The following CHL1 variants were observed in gnomAD, a reference collection of about 807,000 sequenced individuals.
The protein encoded by CHL1 is cell adhesion molecule L1 like.
CHL1 carries 96 observed loss-of-function variants against 141.9 expected under a neutral mutation model. The ratio of observed to expected loss-of-function variants is 0.68; its 90% CI spans 0.57 to 0.80. The LOEUF is 0.80. Ranked by LOEUF, CHL1 falls within the 30% of genes least tolerant of loss-of-function variation. CHL1 has a pLI of 0.00. For missense variants in CHL1, 1,820 were observed against 1,457.2 expected (o/e 1.25, Z -4.05); for synonymous variants, 613 against 502.2 (o/e 1.22, Z -2.95).
chr3:343,685 G>GTGA (rs1349999552), intron 8 of CHL1, among the ~76,000 whole-genome samples: 3 of 152,174 alleles, frequency 2.0e-5, no homozygotes, highest in Non-Finnish European at 4.4e-5. Context: ...ATGTGGACCA[G>GTGA]TGATAACTTA....
At chr3:328,552 C>G (rs762216632) in intron 5 of CHL1, 198 bp downstream of exon 5, 1 of 442,808 alleles carries the variant, frequency 2.3e-6, no homozygotes, top group East Asian at 3.5e-5. Context: ...CATAATTTGA[C>G]TCTGTTTCAG....
Position 337,893 on chromosome 3 carries a change from T to G in CHL1, c.386-2901T>G, listed in dbSNP as rs192518304. On this transcript the variant is annotated intron_variant, in intron 5 of 27. Transcript: ENST00000256509. ...AATCCTTTGGGTATATACCCAGTAA[T>G]GGGATGGCTGGGTCAAATGGTATTT... 5.9e-5 allele frequency among the ~76,000 whole-genome samples: 9 copies of G among 152,314 alleles called. No individual in the cohort carries two copies. In the East Asian group the frequency reaches 1.5e-3, roughly 26 times the overall value.
chr3:333,112 G>C (rs962636526), intron 5 of CHL1, among the ~76,000 whole-genome samples: 2 of 57,054 alleles, frequency 3.5e-5, no homozygotes, highest in Admixed American at 2.1e-4. Context: ...TACGTTGTTG[G>C]ATAATTGCTC....
chr3:393,698 C>T (rs1211160774), intron 23 of CHL1, among the ~76,000 whole-genome samples: 2 of 151,926 alleles, frequency 1.3e-5, no homozygotes, highest in Non-Finnish European at 2.9e-5. Flanking sequence ...TCTATGTATA[C>T]TCTCCTGAAT....
intron 1 of CHL1, among the ~76,000 whole-genome samples, chr3:244,404 C>A (rs986069232): frequency 3.4e-4 from 52 of 152,158 alleles, no homozygotes; most frequent in African/African-American, 1.2e-3. Flanking sequence ...GCCCTCTCTC[C>A]TCCTTTTGTT....
chr3:344,856 GCT>G, intron 9 of CHL1, 147 bp downstream of exon 9: 1 of 754,032 alleles, frequency 1.3e-6, no homozygotes, highest in Non-Finnish European at 2.0e-6. Flanking sequence ...CAGATATTCT[GCT>G]CAGGACTGTT....
rs1162311446 is a variant in CHL1 at position 349,319 on chromosome 3, CT to C, written c.849-36del. The C allele has an allele frequency of 4.5e-6, 7 of 1,545,954 alleles. No individual in the cohort carries two copies. The Middle Eastern group carries it at 6.8e-4, about 150-fold the overall frequency. On this transcript the variant is annotated intron_variant, in intron 9 of 27. Coordinates refer to ENST00000256509, the MANE Select transcript of CHL1 (RefSeq NM_006614.4). ...GGTTTTCTTTGTATTTTACTTTCCG[CT>C]TTTAAAAAAATGTTTATTTATTTAA...
chr3:241,601 G>T (rs13064013), intron 1 of CHL1, among the ~76,000 whole-genome samples: 75,707 of 149,618 alleles, frequency 0.51, 20,679 homozygotes, highest in Non-Finnish European at 0.61. Flanking sequence ...TTTTTACTTT[G>T]CCTCAAGTCA....
At chr3:209,032 A>G (rs939796459) in intron 1 of CHL1, among the ~76,000 whole-genome samples, 6 of 152,228 alleles carry the variant, frequency 3.9e-5, no homozygotes, top group South Asian at 4.1e-4. Context: ...ATAAATGACT[A>G]TAATGAGATG....
At chr3:403,505 C>T (rs1352112023) in intron 27 of CHL1, among the ~76,000 whole-genome samples, 1 of 152,036 alleles carries the variant, frequency 6.6e-6, no homozygotes, top group Non-Finnish European at 1.5e-5. Flanking sequence ...TGAGATTGTG[C>T]CACTGCACTC....
At chr3:200,935 T>C (rs1485703775) in intron 1 of CHL1, among the ~76,000 whole-genome samples, 2 of 152,236 alleles carry the variant, frequency 1.3e-5, no homozygotes, top group African/African-American at 4.8e-5. Context: ...GTTTATTTTA[T>C]GTGTGTCGCA....
intron 1 of CHL1, among the ~76,000 whole-genome samples, chr3:203,676 C>T (rs907519854): frequency 1.3e-5 from 2 of 152,222 alleles, no homozygotes; most frequent in Non-Finnish European, 2.9e-5. Flanking sequence ...TGGAAGAGGG[C>T]TGTCACGTGG....
Position 407,425 on chromosome 3 carries a change from T to G in CHL1, c.*1714T>G, listed in dbSNP as rs1709597415. 6.6e-6 allele frequency: 1 copy of G among 152,150 alleles called. No homozygotes were observed. The highest frequency in any genetic ancestry group is 2.4e-5 in the African/African-American group (1 of 41,432). The allele number at this position is 152,150 out of a possible 1,614,324, so 9.4% of individuals were successfully genotyped here. On this transcript the variant is annotated 3_prime_UTR_variant, in exon 28 of 28. Transcript: ENST00000256509. The stretch of plus-strand genomic sequence containing the variant: ...ATAGACAGGAAAAGCATGTCTTATT[T>G]AAAACTGTAATTTATGGGCTCAGGA...
chr3:278,324 C>T (rs1289540158), intron 2 of CHL1, among the ~76,000 whole-genome samples: 2 of 152,156 alleles, frequency 1.3e-5, no homozygotes, highest in African/African-American at 4.8e-5. Context: ...AAATCATTTA[C>T]TAGTTGTTCC....
chr3:357,182 T>C (rs1703797645), intron 11 of CHL1, among the ~76,000 whole-genome samples: 1 of 152,216 alleles, frequency 6.6e-6, no homozygotes, highest in African/African-American at 2.4e-5. Context: ...CCAAGCTCGG[T>C]GTTCTGTTCA....
chr3:203,345 C>T (rs546497219), intron 1 of CHL1, among the ~76,000 whole-genome samples: 5 of 152,236 alleles, frequency 3.3e-5, no homozygotes, highest in Non-Finnish European at 7.3e-5. Flanking sequence ...TTGATGTTCT[C>T]ACAGTATTGG....
intron 2 of CHL1, among the ~76,000 whole-genome samples, chr3:298,789 T>A (rs1262299003): frequency 2.0e-5 from 3 of 152,326 alleles, no homozygotes; most frequent in African/African-American, 7.2e-5. Flanking sequence ...ACCTTCTTGG[T>A]GATATGGATA....
intron 2 of CHL1, among the ~76,000 whole-genome samples, chr3:265,601 G>T (rs1185395858): frequency 6.6e-6 from 1 of 152,134 alleles, no homozygotes; most frequent in African/African-American, 2.4e-5. Flanking sequence ...AAGAGAAGGG[G>T]TAGGACTGCA....
chr3:252,927 A>G (rs1253900774), intron 2 of CHL1, among the ~76,000 whole-genome samples: 7 of 152,136 alleles, frequency 4.6e-5, no homozygotes, highest in Non-Finnish European at 5.9e-5. Flanking sequence ...AGGTAATTAA[A>G]TAATTATAGT....
Sources: gnomAD v4.1 joint callset for allele counts (sites outside exome capture counted in the v4.1 genomes callset) on GRCh38, gnomAD v4.1.1 for gene constraint, MANE v1.5 for transcripts, NCBI Gene and HGNC (gene_info 2026-07-23, HGNC 2026-07-21) for gene names.